Variants in TTN observed in about 807,000 individuals in gnomAD.
TTN encodes connectin.
In TTN, 1,525 loss-of-function variants were observed where a neutral mutation model predicts 3,223.0. The ratio of observed to expected loss-of-function variants is 0.47; its 90% CI spans 0.45 to 0.49. The LOEUF is 0.49. Among genes scored for constraint, TTN ranks in the 20% least tolerant of loss-of-function variants. The pLI is 0.00. For synonymous variants in TTN, 14,094 were observed against 15,161.0 expected (o/e 0.93, Z 5.17); for missense variants, 40,786 against 43,424.0 (o/e 0.94, Z 5.40).
In TTN at chr2:178,636,933, A is replaced by G; in HGVS notation, c.40928-134T>C. ...GAAAACTAAAGACCAGGCAATTGAAAGGCCAATTGAGTTTATACTGCCTTG... is the reference window on the plus strand; with the variant it reads ...GAAAACTAAAGACCAGGCAATTGAAGGGCCAATTGAGTTTATACTGCCTTG... On this transcript the variant is annotated intron_variant, in intron 224 of 362. Transcript: ENST00000589042. This position sits in a 1 kb window ranked among gnomAD's most constrained non-coding sequence, Gnocchi z 4.3. 1.0e-6 allele frequency: 1 copy of G among 974,834 alleles called. No homozygotes were observed. The highest frequency in any genetic ancestry group is 2.6e-5 in the East Asian group (1 of 37,888). The allele number at this position is 974,834 out of a possible 1,614,324, so 60.4% of individuals were successfully genotyped here. A position where few individuals can be genotyped will look rare whatever the true frequency, so the allele number is the denominator to read the frequency against.
intron 316 of TTN, 151 bp downstream of exon 316, chr2:178,581,348 A>T: frequency 6.0e-6 from 3 of 502,344 alleles, no homozygotes; most frequent in Non-Finnish European, 9.6e-6. Context: ...ACAATACCGT[A>T]AAGTACCCAC....
Position 178,556,887 on chromosome 2 carries a change from A to T in TTN, c.88267T>A (p.Ser29423Thr). 1 of 1,613,840 alleles carries T rather than the reference A, an allele frequency of 6.2e-7. No homozygotes were observed. The highest frequency in any genetic ancestry group is 1.1e-5 in the South Asian group (1 of 91,086). Residue 29423 changes from serine (S) to threonine (T), a missense_variant, in exon 330 of 363, where the codon TCT (serine) becomes ACT (threonine). Ser to Thr is a moderately conservative substitution (Grantham distance 58, BLOSUM62 1). Transcript: ENST00000589042. ...RNAVGSISNP[S>T]EVVGPITCID... ...CAAGTAATGGGCCCTACAACCTCAG[A>T]TGGATTGCTAATGGAACCAACAGCA...
Position 178,557,020 on chromosome 2 carries a change from T to C in TTN, c.88134A>G (p.Pro29378=), listed in dbSNP as rs374612925. ...AGCTGGCCTTGGTCCATCTGCCATC[T>C]GGAAGGTCACGTCTCTCAACAATGT... ...TGYIVERRDL[P]DGRWTKASFT... is the part of the protein sequence containing the mutation. Residue 29378 remains proline (P), a synonymous_variant, in exon 330 of 363, where the codon CCA becomes CCG. Coordinates refer to ENST00000589042, the MANE Select transcript of TTN (RefSeq NM_001267550.2). 3.4e-5 allele frequency: 55 copies of C among 1,613,712 alleles called. No individual in the cohort carries two copies. The African/African-American group carries it at 5.7e-4, about 17-fold the overall frequency.
Position 178,721,855 on chromosome 2 carries a change from C to A in TTN, c.22808G>T (p.Ser7603Ile), listed in dbSNP as rs777949804. The change falls in exon 78 of 363, where the codon AGT (serine) becomes ATT (isoleucine). Residue 7603 changes from serine (S) to isoleucine (I), a missense_variant. Ser to Ile is a moderately radical substitution (Grantham distance 142, BLOSUM62 -2). Coordinates refer to ENST00000589042, the MANE Select transcript of TTN (RefSeq NM_001267550.2). ...AAGTCATGGAATGATACCTTTTACACTGAGCTGAGCTGAGCACATGTCTTT... is the reference window on the plus strand; with the variant it reads ...AAGTCATGGAATGATACCTTTTACAATGAGCTGAGCTGAGCACATGTCTTT... Reference protein sequence around the residue: ...VGKDMCSAQLSVKEPPKFVKK... With the variant: ...VGKDMCSAQLIVKEPPKFVKK... The A allele has an allele frequency of 4.4e-6, 7 of 1,594,346 alleles. No homozygotes were observed. The highest frequency in any genetic ancestry group is 1.2e-5 in the South Asian group (1 of 86,576).
chr2:178,588,694 C>G lies in TTN; in HGVS notation c.63031G>C (p.Val21011Leu), dbSNP rs758606539. Residue 21011 changes from valine to leucine, a missense_variant, in exon 304 of 363, where the codon GTC becomes CTC. Physicochemically the swap from Val to Leu is conservative, Grantham distance 32 (BLOSUM62 1). Coordinates refer to ENST00000589042, the MANE Select transcript of TTN (RefSeq NM_001267550.2). ...EKKEKHSTRW[V>L]PVNKSAIPER... is the part of the protein sequence containing the mutation. Reference sequence around the variant, plus strand: ...GGGATTGCACTCTTGTTGACAGGGACCCATCGTGTTGAATGCTTTTCCTTT... The same window carrying G: ...GGGATTGCACTCTTGTTGACAGGGAGCCATCGTGTTGAATGCTTTTCCTTT... The G allele has an allele frequency of 1.2e-6, 2 of 1,613,090 alleles. No individual in the cohort carries two copies. Among genetic ancestry groups the G allele is most frequent in the Non-Finnish European group, 1.7e-6 (2 of 1,179,474 alleles).
Position 178,652,121 on chromosome 2 carries a change from G to C in TTN, c.39270C>G (p.Pro13090=). Residue 13090 remains proline (P), a synonymous_variant, in exon 204 of 363, where the codon CCC becomes CCG. Transcript: ENST00000589042. ...PEKKVPEAIP[P]KPESPPPEVF... ...CTTCAGGGGGAGGACTTTCCGGTTT[G>C]GGAGGAATAGCTTCAGGCACCTTCT... is the stretch of plus-strand genomic sequence containing the variant. The C allele has an allele frequency of 6.2e-7, 1 of 1,612,638 alleles. No homozygotes were observed. Among genetic ancestry groups the C allele is most frequent in the East Asian group, 2.2e-5 (1 of 44,836 alleles).
Position 178,728,631 on chromosome 2 carries a change from G to A in TTN, c.19295C>T (p.Ser6432Leu). The stretch of plus-strand genomic sequence containing the variant: ...GGCCACGTTATTTTCAAAACTCATT[G>A]AAAAGTATCTACTGGGAACTATTTG... The part of the protein sequence containing the change: ...GKQIVPSRYF[S>L]MSFENNVASF... The change falls in exon 66 of 363, where the codon TCA becomes TTA. Residue 6432 changes from serine (S) to leucine (L), a missense_variant. Transcript: ENST00000589042. 6.2e-7 allele frequency: 1 copy of A among 1,613,258 alleles called. No individual in the cohort carries two copies. The highest frequency in any genetic ancestry group is 8.5e-7 in the Non-Finnish European group (1 of 1,179,556).
Position 178,588,575 on chromosome 2 carries a change from G to A in TTN, c.63150C>T (p.Ser21050=), listed in dbSNP as rs879047866. ...TTGCCACCACCGGTCTTGAAGGCAAGCTTGGTTCTCCAATTCCAATTTCAT... is the reference window on the plus strand; with the variant it reads ...TTGCCACCACCGGTCTTGAAGGCAAACTTGGTTCTCCAATTCCAATTTCAT... ...AENEIGIGEP[S]LPSRPVVAKD... The change falls in exon 304 of 363, where the codon AGC becomes AGT. Residue 21050 remains serine, a synonymous_variant. Coordinates refer to ENST00000589042, the MANE Select transcript of TTN (RefSeq NM_001267550.2). The A allele has an allele frequency of 8.4e-6, 13 of 1,547,226 alleles. No homozygotes were observed. Among genetic ancestry groups the A allele is most frequent in the Non-Finnish European group, 1.1e-5 (13 of 1,149,720 alleles).
chr2:178,553,512 T>C lies in TTN; in HGVS notation c.89493A>G (p.Lys29831=). 1 of 1,610,136 alleles carries C rather than the reference T, an allele frequency of 6.2e-7. No homozygotes were observed. The highest frequency in any genetic ancestry group is 1.1e-5 in the South Asian group (1 of 90,472). Reference sequence around the variant, plus strand: ...CCAGTAGGTACATACCAAGTATATCTTTAGCTTGTACAGGTTCATTCATTT... The same window carrying C: ...CCAGTAGGTACATACCAAGTATATCCTTAGCTTGTACAGGTTCATTCATTT... ...PIEMNEPVQA[K]DILEAPEIDL... The change falls in exon 334 of 363, where the codon AAA becomes AAG. Residue 29831 remains lysine, a synonymous_variant. Coordinates refer to ENST00000589042, the MANE Select transcript of TTN (RefSeq NM_001267550.2).
Position 178,547,703 on chromosome 2 carries a change from C to A in TTN, c.93923G>T (p.Arg31308Met). The stretch of plus-strand genomic sequence containing the variant: ...AATGGGGCCGGTTACTGGACCTGGC[C>A]TTCCAATGACCACAACTGTGACGCT... ...TFSVTVVVIG[R>M]PGPVTGPIEV... The change falls in exon 339 of 363, where the codon AGG becomes ATG. Residue 31308 changes from arginine (R) to methionine (M), a missense_variant. Physicochemically the swap from Arg to Met is moderately conservative, Grantham distance 91 (BLOSUM62 -1). Coordinates refer to ENST00000589042, the MANE Select transcript of TTN (RefSeq NM_001267550.2). The A allele has an allele frequency of 6.2e-7, 1 of 1,613,898 alleles. No individual in the cohort carries two copies. Among genetic ancestry groups the A allele is most frequent in the Non-Finnish European group, 8.5e-7 (1 of 1,179,830 alleles).
chr2:178,768,806 T>G lies in TTN; in HGVS notation c.9030A>C (p.Ser3010=). ...TGGTTCTCATCTGGCACTTGTCAGT[T>G]GATTTGATTTCCACACCATTCTTTA... ...KWLKNGVEIK[S]TDKCQMRTKK... Residue 3010 remains serine, a synonymous_variant, in exon 38 of 363, where the codon TCA becomes TCC. Coordinates refer to ENST00000589042, the MANE Select transcript of TTN (RefSeq NM_001267550.2). 1 of 1,614,130 alleles carries G rather than the reference T, an allele frequency of 6.2e-7. No homozygotes were observed. Among genetic ancestry groups the G allele is most frequent in the African/African-American group, 1.3e-5 (1 of 75,054 alleles).
chr2:178,584,889 A>G lies in TTN; in HGVS notation c.64752T>C (p.Pro21584=). ...ADACSLSWHI[P]LEDGGSNITN... is the part of the protein sequence containing the mutation. ...TGATGTTACTGCCTCCGTCCTCCAGAGGGATGTGCCATGACAGGGAGCAAG... is the reference window on the plus strand; with the variant it reads ...TGATGTTACTGCCTCCGTCCTCCAGGGGGATGTGCCATGACAGGGAGCAAG... The change falls in exon 310 of 363, where the codon CCT becomes CCC. Residue 21584 remains proline, a synonymous_variant. Coordinates refer to ENST00000589042, the MANE Select transcript of TTN (RefSeq NM_001267550.2). 3.1e-6 allele frequency: 5 copies of G among 1,613,350 alleles called. No homozygotes were observed. The highest frequency in any genetic ancestry group is 4.2e-6 in the Non-Finnish European group (5 of 1,179,532).
rs544439820 is a variant in TTN at position 178,603,318 on chromosome 2, G to T, written c.54811+558C>A. On this transcript the variant is annotated intron_variant, in intron 282 of 362. Transcript: ENST00000589042. ...TTCTATAGAGAATCTAATCAGATATGTAGCAAATAGGATGAATTATTATGG... is the reference window on the plus strand; with the variant it reads ...TTCTATAGAGAATCTAATCAGATATTTAGCAAATAGGATGAATTATTATGG... 2.0e-5 allele frequency among the ~76,000 whole-genome samples: 3 copies of T among 152,064 alleles called. No homozygotes were observed. In the South Asian group the frequency reaches 6.2e-4, roughly 32 times the overall value.
intron 10 of TTN, among the ~76,000 whole-genome samples, chr2:178,791,837 T>C (rs1476389924): frequency 6.6e-6 from 1 of 152,178 alleles, no homozygotes; most frequent in Non-Finnish European, 1.5e-5. Flanking sequence ...AGTTCATAGA[T>C]GTGCCCTAAA....
chr2:178,577,279 G>A lies in TTN; in HGVS notation c.69056C>T (p.Thr23019Ile). The A allele has an allele frequency of 1.2e-6, 2 of 1,612,760 alleles. No individual in the cohort carries two copies. The highest frequency in any genetic ancestry group is 1.7e-6 in the Non-Finnish European group (2 of 1,179,456). Residue 23019 changes from threonine (T) to isoleucine (I), a missense_variant, in exon 324 of 363, where the codon ACC becomes ATC. Coordinates refer to ENST00000589042, the MANE Select transcript of TTN (RefSeq NM_001267550.2). Reference protein sequence around the residue: ...YATRKDAGEYTITATNPFGTK... With the variant: ...YATRKDAGEYIITATNPFGTK... ...GCCAAAAGGATTGGTAGCAGTGATG[G>A]TATATTCACCCGCATCTTTTCTAGT...
intron 47 of TTN, chr2:178,746,356 A>C: frequency 6.2e-7 from 1 of 1,612,316 alleles, no homozygotes; most frequent in Non-Finnish European, 8.5e-7. Context: ...ATGGAAGAAC[A>C]TCTAGACTCA....
In TTN at chr2:178,773,149, G is replaced by A. The variant is rs184428451; in HGVS notation, c.7815C>T (p.Tyr2605=). The A allele has an allele frequency of 4.5e-5, 73 of 1,613,788 alleles. No individual in the cohort carries two copies. The highest frequency in any genetic ancestry group is 1.0e-4 in the Admixed American group (6 of 59,974). ...MKDDEGKYTF[Y]AGENMTSGKL... is the part of the protein sequence containing the mutation. ...TTCCAGATGTCATATTTTCTCCCGC[G>A]TAAAATGTGTATTTTCCTTCATCAT... is the stretch of plus-strand genomic sequence containing the variant. Residue 2605 remains tyrosine (Y), a synonymous_variant, in exon 33 of 363, where the codon TAC becomes TAT. Coordinates refer to ENST00000589042, the MANE Select transcript of TTN (RefSeq NM_001267550.2).
Position 178,695,413 on chromosome 2 carries a change from G to C in TTN, c.31208-3C>G. ...TGGAACTTTTCTCTCATGTGATTCT[G>C]AAATAAAAACACAGGAATAAGAAGG... is the stretch of plus-strand genomic sequence containing the variant. On this transcript the variant is annotated splice_polypyrimidine_tract_variant and splice_region_variant and intron_variant, in intron 114 of 362. Coordinates refer to ENST00000589042, the MANE Select transcript of TTN (RefSeq NM_001267550.2). 6.2e-7 allele frequency: 1 copy of C among 1,611,344 alleles called. No homozygotes were observed. The highest frequency in any genetic ancestry group is 8.5e-7 in the Non-Finnish European group (1 of 1,178,066).
At chr2:178,759,695 T>C (rs2088474357) in intron 43 of TTN, among the ~76,000 whole-genome samples, 1 of 152,224 alleles carries the variant, frequency 6.6e-6, no homozygotes, top group Non-Finnish European at 1.5e-5. Context: ...AAAAAATCTC[T>C]ATCTTTGTTA....
Sources: allele counts gnomAD v4.1 joint callset (sites outside exome capture counted in the v4.1 genomes callset), GRCh38; gene constraint gnomAD v4.1.1; non-coding constraint Gnocchi (gnomAD v3.1); transcripts MANE v1.5; gene names NCBI Gene and HGNC (gene_info 2026-07-23, HGNC 2026-07-21).